The following PRKCB variants were observed in gnomAD, a reference collection of about 807,000 sequenced individuals.
PRKCB encodes the protein protein kinase C beta.
PRKCB carries 13 observed loss-of-function variants against 81.5 expected under a neutral mutation model. The ratio of observed to expected loss-of-function variants is 0.16; its 90% CI spans 0.10 to 0.25. PRKCB has a LOEUF of 0.25. Ranked by LOEUF, PRKCB falls within the 10% of genes least tolerant of loss-of-function variation. PRKCB has a pLI of 1.00. For synonymous variants in PRKCB, 335 were observed against 321.4 expected, an observed-to-expected ratio of 1.04 and a Z score of -0.45; for missense variants, 509 against 875.7, an observed-to-expected ratio of 0.58 and a Z score of 5.29.
rs1555481653 is a variant in PRKCB at position 23,882,004 on chromosome 16, T to TTCTTTCTTTCTTTCTTTC, written c.205+44600_205+44617dup. On this transcript the variant is annotated intron_variant, in intron 2 of 16. Coordinates refer to ENST00000643927, the MANE Select transcript of PRKCB (RefSeq NM_002738.7). ...TTTCTTTCTTTCTTTCTTTCTTTCT[T>TTCTTTCTTTCTTTCTTTC]TCTTTCTTTCTTTCTTTCTTCCTTC... Among the ~76,000 whole-genome samples the TTCTTTCTTTCTTTCTTTC allele has an allele frequency of 7.5e-4, 54 of 72,026 alleles. 5 individuals are homozygous for TTCTTTCTTTCTTTCTTTC. Among genetic ancestry groups the TTCTTTCTTTCTTTCTTTC allele is most frequent in the Middle Eastern group, 0.011 (2 of 176 alleles). 47.3% of individuals were successfully genotyped at this position (72,026 alleles called of 152,430 possible). A position where few individuals can be genotyped will look rare whatever the true frequency, so the allele number is the denominator to read the frequency against.
chr16:23,982,699 G>T (rs777804039), intron 2 of PRKCB, among the ~76,000 whole-genome samples: 28 of 152,148 alleles, frequency 1.8e-4, no homozygotes, highest in Non-Finnish European at 3.5e-4. Context: ...AAAGTGCTAG[G>T]ATTATAGGTG....
At chr16:24,194,191 A>G (rs917567832) in intron 16 of PRKCB, among the ~76,000 whole-genome samples, 4 of 152,032 alleles carry the variant, frequency 2.6e-5, no homozygotes, top group Non-Finnish European at 5.9e-5. Flanking sequence ...GCTAGATGCG[A>G]TGGCATGCAC....
chr16:24,185,431 T>G, intron 14 of PRKCB, 29 bp from the exon 15 acceptor site: 2 of 1,592,954 alleles, frequency 1.3e-6, no homozygotes, highest in Non-Finnish European at 1.7e-6. Flanking sequence ...GCAGGGATTC[T>G]TCTCCTCCCA....
At chr16:23,968,144 T>C (rs915057876) in intron 2 of PRKCB, among the ~76,000 whole-genome samples, 4 of 152,196 alleles carry the variant, frequency 2.6e-5, no homozygotes, top group Non-Finnish European at 5.9e-5. Context: ...GAAGGAAGCA[T>C]GCTTGAGATG....
Position 24,117,845 on chromosome 16 carries a change from C to T in PRKCB, c.918+4776C>T, listed in dbSNP as rs540887619. On this transcript the variant is annotated intron_variant, in intron 8 of 16. Coordinates refer to ENST00000643927, the MANE Select transcript of PRKCB (RefSeq NM_002738.7). ...TCAAGTCAGCGCGGAATGCATGCCT[C>T]AGAATTTCCCAATCAAGGGACAGGA... 5.4e-4 allele frequency among the ~76,000 whole-genome samples: 82 copies of T among 152,316 alleles called. 1 individual carries two copies. Among genetic ancestry groups the T allele is most frequent in the East Asian group, 2.3e-3 (12 of 5,170 alleles).
chr16:24,016,789 T>C (rs907613337), intron 3 of PRKCB, among the ~76,000 whole-genome samples: 1 of 152,186 alleles, frequency 6.6e-6, no homozygotes. Context: ...CTATATCACA[T>C]CCCACCTCAC....
In PRKCB at chr16:24,092,811, G is replaced by C. The variant is rs573366163; in HGVS notation, c.550G>C (p.Val184Leu). The stretch of plus-strand genomic sequence containing the variant: ...TTCAGTAAGAGATGCTAAAAACCTT[G>C]TACCTATGGACCCCAATGGCCTGTC... ...IVLVRDAKNL[V>L]PMDPNGLSDP... The change falls in exon 6 of 17, where the codon GTA becomes CTA. Residue 184 changes from valine (V) to leucine (L), a missense_variant. Physicochemically the swap from Val to Leu is conservative, Grantham distance 32. Coordinates refer to ENST00000643927, the MANE Select transcript of PRKCB (RefSeq NM_002738.7). The C allele has an allele frequency of 6.2e-7, 1 of 1,613,988 alleles. No individual in the cohort carries two copies. The highest frequency in any genetic ancestry group is 8.5e-7 in the Non-Finnish European group (1 of 1,179,974).
intron 2 of PRKCB, among the ~76,000 whole-genome samples, chr16:23,861,811 A>G (rs1597213868): frequency 6.6e-6 from 1 of 152,338 alleles, no homozygotes; most frequent in Middle Eastern, 3.4e-3. Flanking sequence ...GTGTAAAAAG[A>G]GGGAGAGGAT....
At position 24,038,655 on chromosome 16, in the gene PRKCB, C is replaced by T. The variant is rs79180163; in HGVS notation, c.529+3108C>T. On this transcript the variant is annotated intron_variant, in intron 5 of 16. Coordinates refer to ENST00000643927, the MANE Select transcript of PRKCB (RefSeq NM_002738.7). The stretch of plus-strand genomic sequence containing the variant: ...TAGAAGAGAGCCCTGATGCTGTGGC[C>T]GAGTTCTCTAAAAATAGAGCCAAGA... Among the ~76,000 whole-genome samples the T allele has an allele frequency of 2.3e-3, 347 of 152,282 alleles. 1 individual carries two copies. The highest frequency in any genetic ancestry group is 7.6e-3 in the African/African-American group (316 of 41,562).
intron 2 of PRKCB, among the ~76,000 whole-genome samples, chr16:23,965,302 T>C (rs1964473168): frequency 6.6e-6 from 1 of 152,234 alleles, no homozygotes; most frequent in Non-Finnish European, 1.5e-5. Flanking sequence ...GCTGCGTCCA[T>C]GTTGCAGCAA....
chr16:24,175,163 A>G (rs1967508063), intron 12 of PRKCB, among the ~76,000 whole-genome samples: 1 of 152,092 alleles, frequency 6.6e-6, no homozygotes, highest in Non-Finnish European at 1.5e-5. Context: ...GCTATTTGTC[A>G]GCAAGTCCAG....
At chr16:23,852,831 T>G (rs1962497538) in intron 2 of PRKCB, among the ~76,000 whole-genome samples, 3 of 152,242 alleles carry the variant, frequency 2.0e-5, no homozygotes, top group Admixed American at 2.0e-4. Flanking sequence ...TTTTCTGTTA[T>G]GCAACTCCAT....
At chr16:24,144,951 CAGAT>C (rs1160350529) in intron 9 of PRKCB, among the ~76,000 whole-genome samples, 2 of 152,196 alleles carry the variant, frequency 1.3e-5, no homozygotes, top group Admixed American at 1.3e-4. Flanking sequence ...TAAAAATAAA[CAGAT>C]AGATATTAAT....
chr16:24,087,557 A>T (rs1966323728), intron 5 of PRKCB, among the ~76,000 whole-genome samples: 1 of 152,194 alleles, frequency 6.6e-6, no homozygotes, highest in African/African-American at 2.4e-5. Context: ...TGTTTTGAGG[A>T]CACACAGTGA....
chr16:24,025,952 G>C (rs1431226809), intron 3 of PRKCB, among the ~76,000 whole-genome samples: 1 of 152,148 alleles, frequency 6.6e-6, no homozygotes, highest in African/African-American at 2.4e-5. Context: ...CATGTCATAA[G>C]GATTGGAGAG....
intron 2 of PRKCB, among the ~76,000 whole-genome samples, chr16:23,915,905 C>T (rs1963730466): frequency 6.6e-6 from 1 of 151,948 alleles, no homozygotes; most frequent in Non-Finnish European, 1.5e-5. Flanking sequence ...TTTAATCAAT[C>T]TACATTTATA....
In PRKCB at chr16:24,215,189, C is replaced by T. The variant is rs1047440497; in HGVS notation, c.*373C>T. The T allele has an allele frequency of 2.0e-5, 20 of 1,020,894 alleles. No homozygotes were observed. Among genetic ancestry groups the T allele is most frequent in the African/African-American group, 5.1e-5 (3 of 58,520 alleles). The allele number at this position is 1,020,894 out of a possible 1,614,324, so 63.2% of individuals were successfully genotyped here. On this transcript the variant is annotated 3_prime_UTR_variant, in exon 17 of 17. Transcript: ENST00000643927. ...CAATCTGTGGATAATTGGATGTTAG[C>T]GGTACTCTTCCACTTCCGGGCCTGG... is the stretch of plus-strand genomic sequence containing the variant.
chr16:23,837,506 G>A (rs1597202121), intron 2 of PRKCB, 100 bp downstream of exon 2: 11 of 1,429,302 alleles, frequency 7.7e-6, no homozygotes, highest in Middle Eastern at 1.8e-4. Flanking sequence ...AAAGAATCAC[G>A]TTGGTCGGAG....
chr16:24,135,457 C>T (rs445104), intron 9 of PRKCB, among the ~76,000 whole-genome samples: 53,265 of 151,398 alleles, frequency 0.35, 9,451 homozygotes, highest in South Asian at 0.47. Context: ...GGATTACAAA[C>T]GCCTGCCACC....
Sources: gnomAD v4.1 joint callset for allele counts (sites outside exome capture counted in the v4.1 genomes callset) on GRCh38, gnomAD v4.1.1 for gene constraint, MANE v1.5 for transcripts, NCBI Gene and HGNC (gene_info 2026-07-23, HGNC 2026-07-21) for gene names.